Variants in ZNF423 observed in about 807,000 individuals in gnomAD.
ZNF423 encodes zinc finger protein 423.
In ZNF423, 12 loss-of-function variants were observed where a neutral mutation model predicts 95.8. The ratio of observed to expected loss-of-function variants is 0.13; its 90% CI spans 0.08 to 0.20. The LOEUF (loss-of-function observed/expected upper bound fraction) is 0.20. ZNF423 is among the 10% of genes least tolerant of loss of function. The pLI, the probability that ZNF423 is intolerant of heterozygous loss-of-function variation, is 1.00. For synonymous variants in ZNF423, 749 were observed against 711.9 expected (o/e 1.05, Z -0.83); for missense variants, 1,316 against 1,737.1 (o/e 0.76, Z 4.31).
intron 2 of ZNF423, among the ~76,000 whole-genome samples, chr16:49,757,874 T>G (rs2033756568): frequency 1.3e-5 from 2 of 152,042 alleles, no homozygotes; most frequent in African/African-American, 4.8e-5. Context: ...TCCTTTCCCC[T>G]CATGTTAATC....
At chr16:49,530,526 T>C (rs1369367575) in intron 5 of ZNF423, among the ~76,000 whole-genome samples, 1 of 149,414 alleles carries the variant, frequency 6.7e-6, no homozygotes, top group Non-Finnish European at 1.5e-5. Flanking sequence ...CACCAGTGCC[T>C]AGAACAGGAT....
chr16:49,603,356 G>C lies in ZNF423; in HGVS notation c.3601+22814C>G, dbSNP rs1209132714. 2.0e-5 allele frequency among the ~76,000 whole-genome samples: 3 copies of C among 152,152 alleles called. No homozygotes were observed. The highest frequency in any genetic ancestry group is 1.9e-4 in the East Asian group (1 of 5,196). On this transcript the variant is annotated intron_variant, in intron 5 of 7. Coordinates refer to ENST00000563137, the MANE Select transcript of ZNF423 (RefSeq NM_001379286.1). The surrounding 1 kb of genome is among the most constrained non-coding windows in gnomAD (Gnocchi z 4.1). Reference sequence around the variant, plus strand: ...ACGTGTAATACATGCAGTCACACAGGTTCCTGAATTTAGAAAAGCCCAGCA... The same window carrying C: ...ACGTGTAATACATGCAGTCACACAGCTTCCTGAATTTAGAAAAGCCCAGCA...
chr16:49,759,884 T>G (rs2033795811), intron 2 of ZNF423, among the ~76,000 whole-genome samples: 1 of 152,046 alleles, frequency 6.6e-6, no homozygotes. Context: ...TGGTTCTCTT[T>G]AGAGAGATTG....
chr16:49,579,088 T>A (rs1462686417), intron 5 of ZNF423, among the ~76,000 whole-genome samples: 1 of 152,190 alleles, frequency 6.6e-6, no homozygotes, highest in Non-Finnish European at 1.5e-5. Flanking sequence ...GAGACACAGA[T>A]GGATGGATTC....
chr16:49,681,645 C>T (rs1229052713), intron 3 of ZNF423, among the ~76,000 whole-genome samples: 1 of 152,256 alleles, frequency 6.6e-6, no homozygotes, highest in Admixed American at 6.5e-5. Flanking sequence ...GGCCTGCCAG[C>T]AAGGGCAGCC....
At chr16:49,561,426 T>C (rs1970012600) in intron 5 of ZNF423, among the ~76,000 whole-genome samples, 1 of 152,190 alleles carries the variant, frequency 6.6e-6, no homozygotes, top group Non-Finnish European at 1.5e-5. Context: ...ATGCACCAGA[T>C]ACACAGAATA....
rs868443886 is a variant in ZNF423, at chr16:49,642,792, T to C, written c.302-3918A>G. Among the ~76,000 whole-genome samples the C allele has an allele frequency of 6.0e-4, 85 of 141,780 alleles. 1 individual carries two copies. The South Asian group carries it at 0.019, about 31-fold the overall frequency. The allele number at this position is 141,780 out of a possible 152,430, so 93.0% of individuals were successfully genotyped here. A position where few individuals can be genotyped will look rare whatever the true frequency, so the allele number is the denominator to read the frequency against. ...ACAGGGGCGTCAGCAGAGAAAGCGGTTCTCTTTTCTTTTTTTTTTTTTTTT... is the reference window on the plus strand; with the variant it reads ...ACAGGGGCGTCAGCAGAGAAAGCGGCTCTCTTTTCTTTTTTTTTTTTTTTT... On this transcript the variant is annotated intron_variant, in intron 3 of 7. Coordinates refer to ENST00000563137, the MANE Select transcript of ZNF423 (RefSeq NM_001379286.1).
chr16:49,793,935 G>A (rs1347793225), intron 1 of ZNF423, among the ~76,000 whole-genome samples: 1 of 152,160 alleles, frequency 6.6e-6, no homozygotes, highest in African/African-American at 2.4e-5. Context: ...CCCAGCAGTG[G>A]GGTTCTGTAG....
At chr16:49,617,388 T>C (rs1051250589) in intron 5 of ZNF423, among the ~76,000 whole-genome samples, 3 of 152,130 alleles carry the variant, frequency 2.0e-5, no homozygotes, top group Non-Finnish European at 4.4e-5. Flanking sequence ...ATGAGGGAAA[T>C]TGCCCATGCA....
intron 7 of ZNF423, among the ~76,000 whole-genome samples, chr16:49,499,600 T>G (rs1200698605): frequency 6.6e-6 from 1 of 152,214 alleles, no homozygotes; most frequent in Non-Finnish European, 1.5e-5. Flanking sequence ...GTTTTCCGTG[T>G]TCTTGAGATG....
chr16:49,784,260 G>A (rs1224602039), intron 2 of ZNF423, among the ~76,000 whole-genome samples: 2 of 152,098 alleles, frequency 1.3e-5, no homozygotes, highest in Admixed American at 6.5e-5. Context: ...ACATTGCCAG[G>A]TGCGGTGACA....
In ZNF423 at chr16:49,784,602, T is replaced by C. The variant is rs113055367; in HGVS notation, c.100+4885A>G. Among the ~76,000 whole-genome samples the C allele has an allele frequency of 8.8e-3, 1,334 of 152,302 alleles. 19 individuals are homozygous for C. Among genetic ancestry groups the C allele is most frequent in the African/African-American group, 0.031 (1,288 of 41,560 alleles). On this transcript the variant is annotated intron_variant, in intron 2 of 7. Transcript: ENST00000563137. ...GAAAGAAGCTAGTCAATGGAGATTATGTATTATATGACTCCACTGACAGGA... is the reference window on the plus strand; with the variant it reads ...GAAAGAAGCTAGTCAATGGAGATTACGTATTATATGACTCCACTGACAGGA...
intron 7 of ZNF423, among the ~76,000 whole-genome samples, chr16:49,491,703 C>T (rs1483822504): frequency 1.3e-5 from 2 of 152,166 alleles, no homozygotes; most frequent in Non-Finnish European, 2.9e-5. Context: ...AAACTCTGAT[C>T]GCCTGCAGGC....
At chr16:49,828,671 C>T (rs2035030789) in intron 1 of ZNF423, among the ~76,000 whole-genome samples, 1 of 152,198 alleles carries the variant, frequency 6.6e-6, no homozygotes. Context: ...ACACTGCAGC[C>T]AACAAATTCC....
intron 3 of ZNF423, among the ~76,000 whole-genome samples, chr16:49,655,271 A>T (rs1438509811): frequency 6.6e-6 from 1 of 152,218 alleles, no homozygotes; most frequent in African/African-American, 2.4e-5. Flanking sequence ...TCCATTCCAC[A>T]GGCCCTGGCA....
chr16:49,841,328 A>T (rs2035180669), intron 1 of ZNF423, among the ~76,000 whole-genome samples: 1 of 152,108 alleles, frequency 6.6e-6, no homozygotes, highest in African/African-American at 2.4e-5. Flanking sequence ...ATGACCTTGG[A>T]CACCTAGCTT....
intron 5 of ZNF423, among the ~76,000 whole-genome samples, chr16:49,566,365 G>T (rs1970190165): frequency 6.6e-6 from 1 of 152,200 alleles, no homozygotes; most frequent in Non-Finnish European, 1.5e-5. Context: ...CCCAACTGGG[G>T]CAGGACTCAC....
intron 3 of ZNF423, among the ~76,000 whole-genome samples, chr16:49,717,229 GCA>G (rs150873292): frequency 0.015 from 2,213 of 152,144 alleles, 53 homozygotes; most frequent in African/African-American, 0.049. Flanking sequence ...CACTGCCCTG[GCA>G]CACAGAGGCA....
At chr16:49,778,227 G>A (rs928683188) in intron 2 of ZNF423, among the ~76,000 whole-genome samples, 1 of 152,172 alleles carries the variant, frequency 6.6e-6, no homozygotes, top group African/African-American at 2.4e-5. Context: ...GCACCTGCCT[G>A]CACATTCAAG....
Sources: gnomAD v4.1 joint callset for allele counts (sites outside exome capture counted in the v4.1 genomes callset) on GRCh38, gnomAD v4.1.1 for gene constraint, Gnocchi (gnomAD v3.1) non-coding constraint, MANE v1.5 for transcripts, NCBI Gene and HGNC (gene_info 2026-07-23, HGNC 2026-07-21) for gene names.